Variants in RANBP2 observed in about 807,000 individuals in gnomAD.
RANBP2 encodes the protein E3 SUMO-protein ligase RanBP2.
A neutral mutation model predicts 303.6 loss-of-function variants in RANBP2; 57 were observed. The ratio of observed to expected loss-of-function variants is 0.19; its 90% CI spans 0.15 to 0.23. The LOEUF (loss-of-function observed/expected upper bound fraction) is 0.23. Ranked by LOEUF, RANBP2 falls within the 10% of genes least tolerant of loss-of-function variation. The pLI is 1.00. For missense variants in RANBP2, 3,138 were observed against 3,780.8 expected, an observed-to-expected ratio of 0.83 and a Z score of 4.46; for synonymous variants, 1,167 against 1,301.5, an observed-to-expected ratio of 0.90 and a Z score of 2.23.
chr2:109,178,996 TATA>T, the RANBP2 span, among the ~76,000 whole-genome samples: 1 of 142,114 alleles, frequency 7.0e-6, no homozygotes, highest in Non-Finnish European at 1.5e-5. Flanking sequence ...TCTTATAAAG[TATA>T]ATAATGTGTG....
At chr2:108,885,166 C>T in the RANBP2 span, 6 of 152,248 alleles carry the variant, frequency 3.9e-5, no homozygotes, top group Non-Finnish European at 8.8e-5. Context: ...CTTTACCCGC[C>T]CCCAATGCTG....
chr2:109,055,757 A>AC, the RANBP2 span, among the ~76,000 whole-genome samples: 2 of 108,274 alleles, frequency 1.8e-5, no homozygotes, highest in Non-Finnish European at 3.4e-5. Flanking sequence ...GACAGCTCTA[A>AC]CATTTTTTTT....
chr2:109,489,351 C>T, the RANBP2 span, among the ~76,000 whole-genome samples: 119 of 152,346 alleles, frequency 7.8e-4, no homozygotes, highest in Middle Eastern at 3.4e-3. Context: ...ACAGCTGCAA[C>T]AACAATCCAG....
chr2:108,947,132 C>T, the RANBP2 span, among the ~76,000 whole-genome samples: 39 of 152,332 alleles, frequency 2.6e-4, 1 homozygote, highest in South Asian at 8.1e-3. Context: ...CCATAGGCCC[C>T]ATGCAAAAGT....
At chr2:109,708,658 A>G in the RANBP2 span, among the ~76,000 whole-genome samples, 3 of 151,886 alleles carry the variant, frequency 2.0e-5, no homozygotes, top group Non-Finnish European at 4.4e-5. Flanking sequence ...CTCAAAATAA[A>G]TAAATTAATT....
chr2:109,709,379 C>A, the RANBP2 span, among the ~76,000 whole-genome samples: 45 of 129,066 alleles, frequency 3.5e-4, no homozygotes, highest in Non-Finnish European at 5.1e-4. Flanking sequence ...ATAAAAATAA[C>A]AAAACAAAAC....
chr2:109,256,704 C>G, the RANBP2 span, among the ~76,000 whole-genome samples: 1 of 152,092 alleles, frequency 6.6e-6, no homozygotes, highest in Non-Finnish European at 1.5e-5. Flanking sequence ...TCTCATCTTC[C>G]TTGTGTGGAG....
At chr2:109,028,791 G>C in the RANBP2 span, among the ~76,000 whole-genome samples, 2 of 152,092 alleles carry the variant, frequency 1.3e-5, no homozygotes, top group African/African-American at 4.8e-5. Flanking sequence ...GAGCTTAGAG[G>C]TCATCGGGTC....
chr2:108,782,052 G>C, intron 26 of RANBP2, 76 bp from the exon 27 acceptor site: 1 of 1,548,770 alleles, frequency 6.5e-7, no homozygotes, highest in Non-Finnish European at 8.8e-7. Flanking sequence ...TGCCTTAAAA[G>C]AATTTGGATC....
chr2:109,015,431 A>C, the RANBP2 span, among the ~76,000 whole-genome samples: 1 of 151,988 alleles, frequency 6.6e-6, no homozygotes, highest in Non-Finnish European at 1.5e-5. Context: ...TTTCTCAGTA[A>C]CATGTTCTTT....
chr2:109,632,036 C>T, the RANBP2 span, among the ~76,000 whole-genome samples: 1 of 152,060 alleles, frequency 6.6e-6, no homozygotes, highest in Non-Finnish European at 1.5e-5. Context: ...TGAGATTAAT[C>T]ACAGGTTCAG....
chr2:108,941,875 A>C, the RANBP2 span, among the ~76,000 whole-genome samples: 1 of 152,192 alleles, frequency 6.6e-6, no homozygotes, highest in African/African-American at 2.4e-5. Context: ...GTGTATGCCC[A>C]AGGAGGCCAG....
At chr2:108,911,234 G>A in the RANBP2 span, among the ~76,000 whole-genome samples, 3 of 152,024 alleles carry the variant, frequency 2.0e-5, no homozygotes, top group Admixed American at 6.6e-5. Context: ...AATCCTCCGC[G>A]CTGGTTTTGG....
chr2:109,359,436 ATTTC>A, the RANBP2 span, among the ~76,000 whole-genome samples: 6 of 152,026 alleles, frequency 3.9e-5, no homozygotes, highest in Non-Finnish European at 8.8e-5. Context: ...TTCTCCTTTG[ATTTC>A]TTTCATCTGA....
the RANBP2 span, among the ~76,000 whole-genome samples, chr2:109,274,887 T>C: frequency 2.6e-4 from 39 of 151,210 alleles, no homozygotes; most frequent in African/African-American, 8.6e-4. Flanking sequence ...AAAAATGTTC[T>C]AGATAGAGGT....
the RANBP2 span, among the ~76,000 whole-genome samples, chr2:108,893,243 G>A: frequency 6.6e-6 from 1 of 151,994 alleles, no homozygotes; most frequent in African/African-American, 2.4e-5. Flanking sequence ...CTCAGTAGAA[G>A]TACACCTTCT....
At chr2:109,442,277 C>G in the RANBP2 span, among the ~76,000 whole-genome samples, 1 of 149,232 alleles carries the variant, frequency 6.7e-6, no homozygotes, top group African/African-American at 2.5e-5. Flanking sequence ...TGCCACTGCA[C>G]TCCAGCCTGG....
intron 23 of RANBP2, among the ~76,000 whole-genome samples, chr2:108,773,251 G>A (rs1248200311): frequency 1.3e-5 from 2 of 152,036 alleles, no homozygotes; most frequent in South Asian, 2.1e-4. Flanking sequence ...CCGAGTAGTT[G>A]GGATTACAGG....
At chr2:109,546,276 C>T in the RANBP2 span, 27 of 1,402,542 alleles carry the variant, frequency 1.9e-5, no homozygotes, top group Middle Eastern at 3.7e-4. Flanking sequence ...TGACACAGCG[C>T]GGCAGCAGAG....
Sources: gnomAD v4.1 joint callset for allele counts (sites outside exome capture counted in the v4.1 genomes callset) on GRCh38, gnomAD v4.1.1 for gene constraint, MANE v1.5 for transcripts, NCBI Gene and HGNC (gene_info 2026-07-23, HGNC 2026-07-21) for gene names.